SIL1: variants seen among roughly 807,000 people sequenced by gnomAD.
SIL1 encodes the protein SIL1 nucleotide exchange factor, also known as nucleotide exchange factor SIL1.
In SIL1, 40 loss-of-function variants were observed where a neutral mutation model predicts 49.1. That is an observed-to-expected ratio of 0.81 (90% CI 0.63 to 1.06). The LOEUF (loss-of-function observed/expected upper bound fraction) is 1.06. Ranked by LOEUF, SIL1 falls within the 50% of genes least tolerant of loss-of-function variation. The probability of loss-of-function intolerance (pLI) is 0.00; values close to 1 mark genes in which losing one functional copy is unlikely to be tolerated. For synonymous variants in SIL1, 253 were observed against 250.8 expected (o/e 1.01, Z -0.08); for missense variants, 500 against 572.6 (o/e 0.87, Z 1.29).
chr5:138,971,133 G>A (rs1372556712), intron 7 of SIL1, among the ~76,000 whole-genome samples: 1 of 152,126 alleles, frequency 6.6e-6, no homozygotes, highest in Non-Finnish European at 1.5e-5. Context: ...AGGAAAGGAA[G>A]TATTATTTTC....
rs150129223 is a variant in SIL1, at chr5:139,124,225, C to T, written c.106-3052G>A. ...ATGTTCATTTTAACTACTAAGGGTTCGGAAAGCCTCTTTTTCTAGATTTCA... is the reference window on the plus strand; with the variant it reads ...ATGTTCATTTTAACTACTAAGGGTTTGGAAAGCCTCTTTTTCTAGATTTCA... On this transcript the variant is annotated intron_variant, in intron 2 of 9. Transcript: ENST00000394817. Among the ~76,000 whole-genome samples, 79 of 152,230 alleles carry T rather than the reference C, an allele frequency of 5.2e-4. 1 individual carries two copies. In the East Asian group the frequency reaches 0.012, roughly 24 times the overall value.
At chr5:139,134,718 C>G (rs908761868) in intron 1 of SIL1, among the ~76,000 whole-genome samples, 1 of 152,220 alleles carries the variant, frequency 6.6e-6, no homozygotes, top group East Asian at 1.9e-4. Context: ...AGTGCTTTTC[C>G]TAGCATATTG....
chr5:138,966,575 G>A (rs1363447970), intron 7 of SIL1, among the ~76,000 whole-genome samples: 3 of 152,078 alleles, frequency 2.0e-5, no homozygotes, highest in South Asian at 2.1e-4. Flanking sequence ...TGTCTGGTGG[G>A]CACTAGTACA....
intron 7 of SIL1, 40 bp downstream of exon 7, chr5:139,021,131 A>G: frequency 6.2e-7 from 1 of 1,614,034 alleles, no homozygotes; most frequent in Non-Finnish European, 8.5e-7. Context: ...AGATCAGGCC[A>G]AGCAATTCTG....
At chr5:139,143,890 C>T (rs1329518297) in intron 1 of SIL1, among the ~76,000 whole-genome samples, 1 of 152,116 alleles carries the variant, frequency 6.6e-6, no homozygotes, top group Non-Finnish European at 1.5e-5. Flanking sequence ...AAGCAAAAGA[C>T]TTTACACTGA....
intron 3 of SIL1, among the ~76,000 whole-genome samples, chr5:139,111,336 G>A (rs1344302304): frequency 1.3e-5 from 2 of 152,158 alleles, no homozygotes; most frequent in African/African-American, 4.8e-5. Context: ...CATTTATGAA[G>A]CCAAGACTGT....
intron 7 of SIL1, among the ~76,000 whole-genome samples, chr5:138,966,175 C>T (rs961248935): frequency 6.6e-5 from 10 of 152,090 alleles, no homozygotes; most frequent in South Asian, 4.1e-4. Flanking sequence ...ACCAGCCTTC[C>T]ACTCAAACCC....
At chr5:139,124,342 G>C (rs1750713444) in intron 2 of SIL1, among the ~76,000 whole-genome samples, 1 of 152,206 alleles carries the variant, frequency 6.6e-6, no homozygotes, top group Non-Finnish European at 1.5e-5. Context: ...AAGGAGGCCA[G>C]ACTCTTTTGC....
intron 3 of SIL1, among the ~76,000 whole-genome samples, chr5:139,083,379 G>T (rs1187879121): frequency 2.0e-5 from 3 of 150,504 alleles, no homozygotes; most frequent in Admixed American, 6.6e-5. Context: ...ATTCTAACTG[G>T]TGTGAGATGA....
At chr5:139,120,971 G>T in intron 3 of SIL1, 64 bp downstream of exon 3, 1 of 1,601,184 alleles carries the variant, frequency 6.2e-7, no homozygotes, top group Non-Finnish European at 8.5e-7. Flanking sequence ...GCCCTCTGGG[G>T]ACAAAGGACA....
rs1439311134 is a variant in SIL1, at chr5:139,171,227, G to A, written c.-11+27042C>T. ...CCCAACAGCTCATTGAGAACGGGCC[G>A]GGATGACAATGGCGGTTTTGTGGAA... On this transcript the variant is annotated intron_variant, in intron 1 of 9. Transcript: ENST00000394817. Among the ~76,000 whole-genome samples the A allele has an allele frequency of 3.8e-3, 574 of 152,148 alleles. 3 individuals are homozygous for A. Among genetic ancestry groups the A allele is most frequent in the African/African-American group, 9.3e-3 (387 of 41,464 alleles).
Position 138,971,148 on chromosome 5 carries a change from G to A in SIL1, c.768-19264C>T, listed in dbSNP as rs76972695. ...AGGAAAGGAAGTATTATTTTCCAAAGAGGAGAACAGAATGTGTTGAGAGAC... is the reference window on the plus strand; with the variant it reads ...AGGAAAGGAAGTATTATTTTCCAAAAAGGAGAACAGAATGTGTTGAGAGAC... On this transcript the variant is annotated intron_variant, in intron 7 of 9. Coordinates refer to ENST00000394817, the MANE Select transcript of SIL1 (RefSeq NM_022464.5). 9.3e-4 allele frequency among the ~76,000 whole-genome samples: 141 copies of A among 152,248 alleles called. 2 individuals are homozygous for A. The highest frequency in any genetic ancestry group is 9.1e-3 in the East Asian group (47 of 5,192).
intron 3 of SIL1, among the ~76,000 whole-genome samples, chr5:139,091,316 T>C (rs1163383851): frequency 1.3e-5 from 2 of 151,978 alleles, no homozygotes; most frequent in Non-Finnish European, 2.9e-5. Context: ...TTTAATATCA[T>C]AGAGTGTTAA....
chr5:139,141,323 G>A (rs1751076823), intron 1 of SIL1, among the ~76,000 whole-genome samples: 1 of 152,008 alleles, frequency 6.6e-6, no homozygotes. Context: ...CATTAAAATA[G>A]GTAAAAATAT....
chr5:139,102,425 T>C (rs1770606816), intron 3 of SIL1, among the ~76,000 whole-genome samples: 1 of 151,836 alleles, frequency 6.6e-6, no homozygotes, highest in Admixed American at 6.6e-5. Flanking sequence ...TGTCTCCCTT[T>C]GTGTTTTTCT....
chr5:139,112,812 T>C (rs549449623), intron 3 of SIL1, among the ~76,000 whole-genome samples: 4 of 152,240 alleles, frequency 2.6e-5, no homozygotes, highest in East Asian at 1.9e-4. Context: ...CAACAGCTCA[T>C]TGAGAACGGG....
intron 7 of SIL1, among the ~76,000 whole-genome samples, chr5:138,967,325 T>C (rs539630321): frequency 6.6e-6 from 1 of 152,284 alleles, no homozygotes; most frequent in East Asian, 1.9e-4. Context: ...GGCCTGGCCA[T>C]CTGCATTTTA....
chr5:139,055,972 G>A (rs1315932123), intron 3 of SIL1, among the ~76,000 whole-genome samples: 6 of 152,020 alleles, frequency 3.9e-5, no homozygotes. Flanking sequence ...TTCACTCAGT[G>A]CTCAATGGTG....
At chr5:138,998,767 A>C (rs1006575612) in intron 7 of SIL1, among the ~76,000 whole-genome samples, 20 of 149,110 alleles carry the variant, frequency 1.3e-4, no homozygotes, top group Non-Finnish European at 2.4e-4. Context: ...TTACTCTCCC[A>C]CCAGGCCCTA....
Sources: allele counts gnomAD v4.1 joint callset (sites outside exome capture counted in the v4.1 genomes callset), GRCh38; gene constraint gnomAD v4.1.1; transcripts MANE v1.5; gene names NCBI Gene and HGNC (gene_info 2026-07-23, HGNC 2026-07-21).